The following DLC1 variants were observed in gnomAD, a reference collection of about 807,000 sequenced individuals.
DLC1 encodes rho GTPase-activating protein 7.
DLC1 carries 54 observed loss-of-function variants against 140.3 expected under a neutral mutation model. That is an observed-to-expected ratio of 0.38 (90% confidence interval 0.31 to 0.48). DLC1 has a LOEUF of 0.48. Ranked by LOEUF, DLC1 falls within the 20% of genes least tolerant of loss-of-function variation. The pLI is 0.96. For synonymous variants in DLC1, 986 were observed against 728.1 expected, an observed-to-expected ratio of 1.35 and a Z score of -5.70; for missense variants, 2,536 against 1,907.0, an observed-to-expected ratio of 1.33 and a Z score of -6.14.
chr8:13,579,501 T>A (rs1434709183), intron 1 of DLC1, among the ~76,000 whole-genome samples: 62 of 106,906 alleles, frequency 5.8e-4, no homozygotes, highest in Middle Eastern at 4.7e-3. Flanking sequence ...ATATTATATT[T>A]TATATTATAT....
intron 4 of DLC1, among the ~76,000 whole-genome samples, chr8:13,370,934 C>T (rs943815508): frequency 6.6e-6 from 1 of 152,104 alleles, no homozygotes; most frequent in African/African-American, 2.4e-5. Flanking sequence ...ATGATCCTGG[C>T]CAAGGGAACT....
At chr8:13,147,572 C>G (rs1054027284) in intron 5 of DLC1, among the ~76,000 whole-genome samples, 1 of 152,186 alleles carries the variant, frequency 6.6e-6, no homozygotes, top group Non-Finnish European at 1.5e-5. Flanking sequence ...TATAATGAAG[C>G]AGTTCTACTC....
At chr8:13,576,720 T>G (rs1156493919) in intron 1 of DLC1, among the ~76,000 whole-genome samples, 1 of 152,108 alleles carries the variant, frequency 6.6e-6, no homozygotes, top group African/African-American at 2.4e-5. Context: ...CAAATGAATC[T>G]CCCCAGAGTA....
intron 4 of DLC1, among the ~76,000 whole-genome samples, chr8:13,324,250 T>C (rs1398710040): frequency 1.3e-5 from 2 of 152,232 alleles, no homozygotes; most frequent in African/African-American, 4.8e-5. Flanking sequence ...TTGAGGCATA[T>C]GTAGTAGACA....
At position 13,301,642 on chromosome 8, in the gene DLC1, C is replaced by A. The variant is rs564593628; in HGVS notation, c.1348+3627G>T. Reference sequence around the variant, plus strand: ...TGAGGGTATTCCAATGGGACGGGTTCACTCTTTAGAGCAGGGATCCCCAAC... The same window carrying A: ...TGAGGGTATTCCAATGGGACGGGTTAACTCTTTAGAGCAGGGATCCCCAAC... On this transcript the variant is annotated intron_variant, in intron 5 of 17. Coordinates refer to ENST00000276297, the MANE Select transcript of DLC1 (RefSeq NM_182643.3). Among the ~76,000 whole-genome samples the A allele has an allele frequency of 5.9e-5, 9 of 152,302 alleles. No homozygotes were observed. In the East Asian group the frequency reaches 1.7e-3, roughly 29 times the overall value.
chr8:13,138,925 T>C (rs1395660072), intron 5 of DLC1, among the ~76,000 whole-genome samples: 1 of 152,190 alleles, frequency 6.6e-6, no homozygotes. Flanking sequence ...CTTCTATTGA[T>C]TACAACTTTT....
chr8:13,219,594 C>A (rs1828442713), intron 5 of DLC1, among the ~76,000 whole-genome samples: 1 of 151,478 alleles, frequency 6.6e-6, no homozygotes, highest in Non-Finnish European at 1.5e-5. Flanking sequence ...TGCTCAGAAG[C>A]CCACCTTCTT....
At chr8:13,115,991 A>G (rs1405374639) in intron 5 of DLC1, among the ~76,000 whole-genome samples, 1 of 152,226 alleles carries the variant, frequency 6.6e-6, no homozygotes, top group African/African-American at 2.4e-5. Flanking sequence ...GAGAGATTTA[A>G]TAACTCATTT....
chr8:13,152,380 C>CA (rs1192318850), intron 5 of DLC1, among the ~76,000 whole-genome samples: 5 of 151,840 alleles, frequency 3.3e-5, no homozygotes, highest in Admixed American at 1.3e-4. Context: ...TTATATAACC[C>CA]AAAAAAATGA....
At chr8:13,279,445 G>T (rs1033667742) in intron 5 of DLC1, among the ~76,000 whole-genome samples, 7 of 152,188 alleles carry the variant, frequency 4.6e-5, no homozygotes, top group African/African-American at 1.7e-4. Context: ...TACTTAAGAG[G>T]ACTTTATGTT....
At chr8:13,532,585 T>C (rs1803136186) in intron 1 of DLC1, among the ~76,000 whole-genome samples, 1 of 151,988 alleles carries the variant, frequency 6.6e-6, no homozygotes, top group Admixed American at 6.6e-5. Context: ...TCTTTCTCTC[T>C]CTCTCTCTCT....
At chr8:13,417,085 T>C (rs912849540) in intron 2 of DLC1, among the ~76,000 whole-genome samples, 6 of 152,172 alleles carry the variant, frequency 3.9e-5, no homozygotes, top group Non-Finnish European at 7.3e-5. Flanking sequence ...TGTCAACAAT[T>C]ATTTCTAATC....
At chr8:13,173,893 C>T (rs572640883) in intron 5 of DLC1, among the ~76,000 whole-genome samples, 1 of 151,958 alleles carries the variant, frequency 6.6e-6, no homozygotes, top group South Asian at 2.1e-4. Flanking sequence ...TTGGGAGGTA[C>T]GTGTGCAGAT....
intron 1 of DLC1, among the ~76,000 whole-genome samples, chr8:13,574,757 G>A (rs1804777710): frequency 6.6e-6 from 1 of 152,190 alleles, no homozygotes; most frequent in Non-Finnish European, 1.5e-5. Flanking sequence ...GGTGATGCCA[G>A]ACTGAGAGAA....
At chr8:13,156,208 A>C (rs1380353553) in intron 5 of DLC1, among the ~76,000 whole-genome samples, 1 of 152,136 alleles carries the variant, frequency 6.6e-6, no homozygotes, top group African/African-American at 2.4e-5. Context: ...GCTTACTGTT[A>C]ACAACTGTTT....
At position 13,100,606 on chromosome 8, in the gene DLC1, G is replaced by T. The variant is rs747711073; in HGVS notation, c.1731C>A (p.Ser577Arg). The change falls in exon 9 of 18, where the codon AGC (serine) becomes AGA (arginine). Residue 577 changes from serine to arginine, a missense_variant. By Grantham distance (110) the Ser-to-Arg change is moderately radical. Coordinates refer to ENST00000276297, the MANE Select transcript of DLC1 (RefSeq NM_182643.3). ...TGAGGTCCATCAGCGTGCCTCCGGG[G>T]CTGGGGCCGTCCTTCGGGTGGGAGT... ...PDDSHPKDGP[S>R]PGGTLMDLSE... The T allele has an allele frequency of 8.7e-6, 14 of 1,614,096 alleles. 1 individual carries two copies. In the Middle Eastern group the frequency reaches 1.2e-3, roughly 133 times the overall value.
chr8:13,397,672 TA>T (rs57069875), intron 3 of DLC1, among the ~76,000 whole-genome samples: 2,988 of 144,972 alleles, frequency 0.021, 44 homozygotes, highest in Non-Finnish European at 0.032. Context: ...CTACAAAAAT[TA>T]AAAAAAAAAA....
At chr8:13,586,995 C>T (rs993384186) in intron 1 of DLC1, among the ~76,000 whole-genome samples, 1 of 151,476 alleles carries the variant, frequency 6.6e-6, no homozygotes, top group African/African-American at 2.4e-5. Flanking sequence ...GGGTTTTATG[C>T]AATACATGTC....
At chr8:13,320,392 C>G (rs1159476160) in intron 4 of DLC1, among the ~76,000 whole-genome samples, 1 of 152,142 alleles carries the variant, frequency 6.6e-6, no homozygotes, top group Non-Finnish European at 1.5e-5. Context: ...CTGGGTACCA[C>G]TTCATCTAAT....
Sources: allele counts gnomAD v4.1 joint callset (sites outside exome capture counted in the v4.1 genomes callset), GRCh38; gene constraint gnomAD v4.1.1; transcripts MANE v1.5; gene names NCBI Gene and HGNC (gene_info 2026-07-23, HGNC 2026-07-21).